The following JAZF1 variants were observed in gnomAD, a reference collection of about 807,000 sequenced individuals.
JAZF1 encodes the protein JAZF zinc finger 1.
A neutral mutation model predicts 26.4 loss-of-function variants in JAZF1; 8 were observed. The ratio of observed to expected loss-of-function variants is 0.30; its 90% CI spans 0.18 to 0.55. JAZF1 has a LOEUF of 0.55. Ranked by LOEUF, JAZF1 falls within the 20% of genes least tolerant of loss-of-function variation. The pLI is 0.94. For missense variants in JAZF1, 199 were observed against 322.0 expected (o/e 0.62, Z 2.92); for synonymous variants, 126 against 122.3 (o/e 1.03, Z -0.20).
chr7:28,080,286 C>A (rs1164645429), intron 1 of JAZF1, among the ~76,000 whole-genome samples: 1 of 152,182 alleles, frequency 6.6e-6, no homozygotes, highest in African/African-American at 2.4e-5. Context: ...TGGGGCCTTG[C>A]TCTGGATCAG....
intron 2 of JAZF1, among the ~76,000 whole-genome samples, chr7:27,948,354 G>A (rs1250421558): frequency 6.6e-6 from 1 of 152,120 alleles, no homozygotes; most frequent in African/African-American, 2.4e-5. Context: ...TTTATACAGA[G>A]GGGCAGCTGT....
At chr7:27,884,946 C>T (rs1328398275) in intron 3 of JAZF1, among the ~76,000 whole-genome samples, 4 of 152,242 alleles carry the variant, frequency 2.6e-5, no homozygotes, top group South Asian at 2.1e-4. Flanking sequence ...CTCTCTCTGC[C>T]GGGCGGAGGG....
At chr7:28,056,711 A>G (rs992343413) in intron 1 of JAZF1, among the ~76,000 whole-genome samples, 4 of 151,476 alleles carry the variant, frequency 2.6e-5, no homozygotes, top group Non-Finnish European at 1.5e-5. Flanking sequence ...GTGTGGCTGC[A>G]TACCACCCTT....
At position 28,126,119 on chromosome 7, in the gene JAZF1, G is replaced by A. The variant is rs183364294; in HGVS notation, c.115+54344C>T. Reference sequence around the variant, plus strand: ...TGGAGGCACCAGGAAGGGGTTAGGGGTGGGAAGGATGTAGCCCCTTCATAA... The same window carrying A: ...TGGAGGCACCAGGAAGGGGTTAGGGATGGGAAGGATGTAGCCCCTTCATAA... On this transcript the variant is annotated intron_variant, in intron 1 of 4. Coordinates refer to ENST00000283928, the MANE Select transcript of JAZF1 (RefSeq NM_175061.4). 1.7e-3 allele frequency among the ~76,000 whole-genome samples: 262 copies of A among 152,322 alleles called. 1 individual carries two copies. The highest frequency in any genetic ancestry group is 1.2e-3 in the Non-Finnish European group (83 of 68,028).
At chr7:28,178,811 G>A (rs1783586719) in intron 1 of JAZF1, among the ~76,000 whole-genome samples, 1 of 152,188 alleles carries the variant, frequency 6.6e-6, no homozygotes, top group Admixed American at 6.5e-5. Flanking sequence ...AGAGGAAATG[G>A]AAGAAGCTAT....
intron 1 of JAZF1, among the ~76,000 whole-genome samples, chr7:28,023,672 G>T (rs769940953): frequency 6.6e-6 from 1 of 152,190 alleles, no homozygotes; most frequent in African/African-American, 2.4e-5. Flanking sequence ...TTTAGAATGC[G>T]TGTTAATGAG....
At chr7:28,101,576 T>TAAAAAA (rs56321937) in intron 1 of JAZF1, among the ~76,000 whole-genome samples, 1 of 97,976 alleles carries the variant, frequency 1.0e-5, no homozygotes, top group African/African-American at 4.2e-5. Context: ...ATTTCTATAT[T>TAAAAAA]AAAAAAAAAA....
intron 1 of JAZF1, among the ~76,000 whole-genome samples, chr7:28,115,282 C>T (rs140855839): frequency 6.6e-6 from 1 of 152,172 alleles, no homozygotes; most frequent in African/African-American, 2.4e-5. Flanking sequence ...TATGGTTTAA[C>T]CCCTCAAACA....
intron 1 of JAZF1, among the ~76,000 whole-genome samples, chr7:28,043,427 G>A (rs1379541862): frequency 5.9e-5 from 9 of 152,022 alleles, no homozygotes; most frequent in Non-Finnish European, 4.4e-5. Context: ...CCCACCTTAC[G>A]GCCCCAACAT....
intron 2 of JAZF1, among the ~76,000 whole-genome samples, chr7:27,986,091 T>G (rs139851218): frequency 1.3e-5 from 2 of 152,104 alleles, no homozygotes; most frequent in African/African-American, 4.8e-5. Flanking sequence ...CTATTCAACA[T>G]AGTGTTGGAA....
At chr7:28,044,268 C>T (rs117016300) in intron 1 of JAZF1, among the ~76,000 whole-genome samples, 2,978 of 152,256 alleles carry the variant, frequency 0.02, 61 homozygotes, top group South Asian at 0.082. Context: ...TTCCTCTCAA[C>T]ATTCCTCTCT....
intron 1 of JAZF1, among the ~76,000 whole-genome samples, chr7:28,007,029 C>T (rs960627352): frequency 2.0e-5 from 3 of 152,166 alleles, no homozygotes; most frequent in African/African-American, 4.8e-5. Context: ...TTTCCAGGCA[C>T]CCCACCTTGC....
chr7:28,157,498 A>AT (rs1783206229), intron 1 of JAZF1, among the ~76,000 whole-genome samples: 1 of 152,146 alleles, frequency 6.6e-6, no homozygotes. Context: ...TAATTTTCAC[A>AT]TTTTTTCCAA....
chr7:27,840,268 AG>A lies in JAZF1; in HGVS notation c.555+429del, dbSNP rs1345873357. ...TCCACACTCACCAAATGGCTCTGGG[AG>A]CCATCTGGGGCTTTTACAACTTCAA... On this transcript the variant is annotated intron_variant, in intron 4 of 4. Coordinates refer to ENST00000283928, the MANE Select transcript of JAZF1 (RefSeq NM_175061.4). The surrounding 1 kb of genome is among the most constrained non-coding windows in gnomAD (Gnocchi z 5.1). 6.6e-6 allele frequency among the ~76,000 whole-genome samples: 1 copy of A among 152,208 alleles called. No homozygotes were observed. Among genetic ancestry groups the A allele is most frequent in the Non-Finnish European group, 1.5e-5 (1 of 68,030 alleles).
At chr7:28,158,997 T>C (rs1398035957) in intron 1 of JAZF1, among the ~76,000 whole-genome samples, 1 of 152,154 alleles carries the variant, frequency 6.6e-6, no homozygotes. Context: ...GGAACTGCAG[T>C]GCACTTGGCT....
At chr7:27,872,646 T>G (rs1453019069) in intron 3 of JAZF1, among the ~76,000 whole-genome samples, 1 of 152,248 alleles carries the variant, frequency 6.6e-6, no homozygotes, top group Non-Finnish European at 1.5e-5. Flanking sequence ...GAACATCTGT[T>G]ACTTACTTAC....
intron 1 of JAZF1, among the ~76,000 whole-genome samples, chr7:28,081,483 C>A (rs73683974): frequency 5.7e-4 from 87 of 152,236 alleles, no homozygotes; most frequent in East Asian, 5.6e-3. Context: ...CTGCGCCATT[C>A]CCCCAGCTAT....
intron 1 of JAZF1, among the ~76,000 whole-genome samples, chr7:28,098,873 A>G (rs551781194): frequency 1.3e-5 from 2 of 152,370 alleles, no homozygotes; most frequent in Admixed American, 6.5e-5. Context: ...GTGCAACAAG[A>G]AAGTCCATAA....
intron 1 of JAZF1, among the ~76,000 whole-genome samples, chr7:28,166,707 T>C (rs1214491969): frequency 6.6e-6 from 1 of 152,244 alleles, no homozygotes; most frequent in African/African-American, 2.4e-5. Context: ...CATGATCTAA[T>C]GTCTCAAAAA....
Sources: allele counts gnomAD v4.1 joint callset (sites outside exome capture counted in the v4.1 genomes callset), GRCh38; gene constraint gnomAD v4.1.1; non-coding constraint Gnocchi (gnomAD v3.1); transcripts MANE v1.5; gene names NCBI Gene and HGNC (gene_info 2026-07-23, HGNC 2026-07-21).